The following ZNF346 variants were observed in gnomAD, a reference collection of about 807,000 sequenced individuals.
The protein encoded by ZNF346 is double-stranded RNA-binding zinc finger protein JAZ.
In ZNF346, 23 loss-of-function variants were observed where a neutral mutation model predicts 33.7. That is an observed-to-expected ratio of 0.68 (90% CI 0.49 to 0.97). The LOEUF is 0.97. Among genes scored for constraint, ZNF346 ranks in the 50% least tolerant of loss-of-function variants. The probability of loss-of-function intolerance (pLI) is 0.00; values close to 1 mark genes in which losing one functional copy is unlikely to be tolerated. For synonymous variants in ZNF346, 134 were observed against 142.4 expected (o/e 0.94, Z 0.42); for missense variants, 340 against 371.1 (o/e 0.92, Z 0.69).
chr5:177,044,652 G>A (rs371438028), intron 4 of ZNF346, 119 bp downstream of exon 4: 21 of 1,106,060 alleles, frequency 1.9e-5, no homozygotes, highest in East Asian at 9.8e-5. Flanking sequence ...AATTGCTTTT[G>A]AGAACCCTTA....
At position 177,067,715 on chromosome 5, in the gene ZNF346, G is replaced by A. The variant is rs1185783183; in HGVS notation, c.*3116G>A. Among the ~76,000 whole-genome samples the A allele has an allele frequency of 1.3e-5, 2 of 152,228 alleles. No individual in the cohort carries two copies. Among genetic ancestry groups the A allele is most frequent in the African/African-American group, 4.8e-5 (2 of 41,456 alleles). ...CAATGATAAGAATGCCCAGGATGCA[G>A]GAGCTGACTCAGCCAAGGGCATGAA... is the stretch of plus-strand genomic sequence containing the variant. On this transcript the variant is annotated 3_prime_UTR_variant, in exon 7 of 7. Coordinates refer to ENST00000358149, the MANE Select transcript of ZNF346 (RefSeq NM_012279.4).
chr5:177,076,904 G>T (rs763887547), intron 8 of ZNF346, among the ~76,000 whole-genome samples: 13 of 152,130 alleles, frequency 8.5e-5, no homozygotes, highest in Non-Finnish European at 1.5e-4. Flanking sequence ...AGCTGGGCAT[G>T]GTGACAGGTG....
chr5:177,023,346 G>C, intron 1 of ZNF346: 1 of 791,480 alleles, frequency 1.3e-6, no homozygotes, highest in Non-Finnish European at 2.1e-6. Context: ...ACTTCCGAGG[G>C]CTCTGGAAGG....
chr5:177,029,880 A>C (rs12514939), intron 1 of ZNF346, among the ~76,000 whole-genome samples: 29,174 of 152,168 alleles, frequency 0.19, 3,888 homozygotes, highest in East Asian at 0.5. Context: ...TGCAATTGGC[A>C]TCAGAAGTAG....
Position 177,053,449 on chromosome 5 carries a change from C to A in ZNF346, c.703+2513C>A, listed in dbSNP as rs73343951. On this transcript the variant is annotated intron_variant, in intron 5 of 6. Transcript: ENST00000358149. The stretch of plus-strand genomic sequence containing the variant: ...TACAGGCATGAGCCGTTACACCCAG[C>A]CTGCTGTTATCAAGTATGCATTTAA... Among the ~76,000 whole-genome samples the A allele has an allele frequency of 7.2e-3, 1,093 of 151,970 alleles. 12 individuals carry two copies. Among genetic ancestry groups the A allele is most frequent in the African/African-American group, 0.024 (1,007 of 41,396 alleles).
At chr5:177,070,719 G>A (rs368550386), downstream of ZNF346, among the ~76,000 whole-genome samples, 11 of 152,276 alleles carry the variant, frequency 7.2e-5, no homozygotes, top group South Asian at 2.3e-3. Context: ...CGGGGGTAAG[G>A]CCACAAGCAG....
rs1783264937 is a variant in ZNF346 at position 177,067,362 on chromosome 5, C to A, written c.*2763C>A. On this transcript the variant is annotated 3_prime_UTR_variant, in exon 7 of 7. Coordinates refer to ENST00000358149, the MANE Select transcript of ZNF346 (RefSeq NM_012279.4). The stretch of plus-strand genomic sequence containing the variant: ...GGAAGGGGCCCAGGCAGCCTCAGCT[C>A]CCATTCAGTGCCACTCAGCCCCTGC... Among the ~76,000 whole-genome samples the A allele has an allele frequency of 6.6e-6, 1 of 152,170 alleles. No individual in the cohort carries two copies. The highest frequency in any genetic ancestry group is 6.6e-5 in the Admixed American group (1 of 15,264).
chr5:177,050,754 T>C lies in ZNF346; in HGVS notation c.521T>C (p.Leu174Ser), dbSNP rs970780086. 3 of 1,614,232 alleles carry C rather than the reference T, an allele frequency of 1.9e-6. No homozygotes were observed. Among genetic ancestry groups the C allele is most frequent in the East Asian group, 2.2e-5 (1 of 44,890 alleles). The part of the protein sequence containing the change: ...LKQQSTKVEA[L>S]HQNREMIDPD... ...TTCCTTGTGGCCTCCACCTTAGCCT[T>C]GCACCAGAATAGAGAGATGATAGAC... is the stretch of plus-strand genomic sequence containing the variant. The change falls in exon 5 of 7, where the codon TTG becomes TCG. Residue 174 changes from leucine to serine, a missense_variant. Leu to Ser is a moderately radical substitution (Grantham distance 145). Transcript: ENST00000358149.
chr5:177,050,145 G>T (rs1254935317), intron 4 of ZNF346, among the ~76,000 whole-genome samples: 1 of 152,152 alleles, frequency 6.6e-6, no homozygotes, highest in African/African-American at 2.4e-5. Context: ...AATGTTAATG[G>T]TCCTCTTTTC....
intron 1 of ZNF346, among the ~76,000 whole-genome samples, chr5:177,035,900 A>G (rs1457522887): frequency 6.6e-6 from 1 of 151,582 alleles, no homozygotes; most frequent in African/African-American, 2.4e-5. Flanking sequence ...CTGCCTCCCA[A>G]AGTGCTGGTA....
At chr5:177,040,869 G>T (rs960421604) in intron 1 of ZNF346, among the ~76,000 whole-genome samples, 3 of 152,058 alleles carry the variant, frequency 2.0e-5, no homozygotes, top group African/African-American at 7.2e-5. Flanking sequence ...TTAAGTTTAT[G>T]ATCTAAAGAT....
At chr5:177,023,339 TC>T in intron 1 of ZNF346, 1 of 847,308 alleles carries the variant, frequency 1.2e-6, no homozygotes, top group Admixed American at 2.0e-5. Context: ...GCCCCACACT[TC>T]CGAGGGCTCT....
rs2149712808 is a variant in ZNF346 at position 177,066,110 on chromosome 5, C to T, written c.*1511C>T. ...TTAGGAGTTGGGACAGAGTCGAGCACCCTGTGAAAGTCTCCCTTGAGTTCA... is the reference window on the plus strand; with the variant it reads ...TTAGGAGTTGGGACAGAGTCGAGCATCCTGTGAAAGTCTCCCTTGAGTTCA... On this transcript the variant is annotated 3_prime_UTR_variant, in exon 7 of 7. Transcript: ENST00000358149. 1 of 149,510 alleles carries T rather than the reference C, an allele frequency of 6.7e-6. No individual in the cohort carries two copies. 9.3% of individuals were successfully genotyped at this position (149,510 alleles called of 1,614,324 possible).
At position 177,022,831 on chromosome 5, in the gene ZNF346, G is replaced by T. The variant is rs1176296888; in HGVS notation, c.93G>T (p.Pro31=). 1 of 1,539,456 alleles carries T rather than the reference G, an allele frequency of 6.5e-7. No homozygotes were observed. Among genetic ancestry groups the T allele is most frequent in the Non-Finnish European group, 8.8e-7 (1 of 1,142,718 alleles). The stretch of plus-strand genomic sequence containing the variant: ...CGGAGTTGCTGGAGGGCCAGGAGCC[G>T]GACGGGGTGCGCTTTGACCGCGAGA... ...SSSELLEGQE[P]DGVRFDRERA... Residue 31 remains proline, a synonymous_variant, in exon 1 of 7, where the codon CCG becomes CCT. Coordinates refer to ENST00000358149, the MANE Select transcript of ZNF346 (RefSeq NM_012279.4).
chr5:177,024,839 G>A (rs1776532864), intron 1 of ZNF346, among the ~76,000 whole-genome samples: 1 of 152,218 alleles, frequency 6.6e-6, no homozygotes, highest in Non-Finnish European at 1.5e-5. Context: ...TGAGTGTATA[G>A]TGGCACTGTT....
chr5:177,075,984 T>C (rs1022825939), intron 8 of ZNF346, among the ~76,000 whole-genome samples: 2 of 151,826 alleles, frequency 1.3e-5, no homozygotes, highest in Non-Finnish European at 2.9e-5. Flanking sequence ...ACCACGCCCG[T>C]CTGGCTAATA....
chr5:177,023,694 C>T (rs1180903202), intron 1 of ZNF346, among the ~76,000 whole-genome samples: 1 of 152,180 alleles, frequency 6.6e-6, no homozygotes, highest in African/African-American at 2.4e-5. Flanking sequence ...ACTCCCTTCA[C>T]TGTCCTTTAC....
At chr5:177,060,118 G>A (rs766753231) in intron 5 of ZNF346, among the ~76,000 whole-genome samples, 14 of 152,194 alleles carry the variant, frequency 9.2e-5, no homozygotes, top group Admixed American at 4.6e-4. Context: ...CTGGGAAGCC[G>A]CTGCCAGTTT....
At chr5:177,057,176 G>A (rs1268881632) in intron 5 of ZNF346, among the ~76,000 whole-genome samples, 1 of 151,944 alleles carries the variant, frequency 6.6e-6, no homozygotes, top group Non-Finnish European at 1.5e-5. Flanking sequence ...GCCGGGTGTG[G>A]TGGTGGGCGC....
Sources: gnomAD v4.1 joint callset for allele counts (sites outside exome capture counted in the v4.1 genomes callset) on GRCh38, gnomAD v4.1.1 for gene constraint, MANE v1.5 for transcripts, NCBI Gene and HGNC (gene_info 2026-07-23, HGNC 2026-07-21) for gene names.